CCDC7: variants seen among roughly 807,000 people sequenced by gnomAD.
CCDC7 encodes the protein coiled-coil domain containing 7.
CCDC7 carries 183 observed loss-of-function variants against 196.9 expected under a neutral mutation model. The ratio of observed to expected loss-of-function variants is 0.93; its 90% confidence interval spans 0.82 to 1.05. The LOEUF (loss-of-function observed/expected upper bound fraction) is 1.05, where lower values mean the gene tolerates loss of function less well. CCDC7 is among the 50% of genes least tolerant of loss of function. The probability of loss-of-function intolerance (pLI) is 0.00; values close to 1 mark genes in which losing one functional copy is unlikely to be tolerated. For synonymous variants in CCDC7, 525 were observed against 484.6 expected (o/e 1.08, Z -1.10); for missense variants, 1,540 against 1,482.2 (o/e 1.04, Z -0.64).
chr10:32,680,384 A>G (rs1396834169), intron 21 of CCDC7, among the ~76,000 whole-genome samples: 1 of 152,120 alleles, frequency 6.6e-6, no homozygotes, highest in African/African-American at 2.4e-5. Flanking sequence ...GGCCATACCA[A>G]TGAGAGTTTA....
At chr10:32,869,816 G>A (rs61856632) in intron 41 of CCDC7, among the ~76,000 whole-genome samples, 6 of 73,750 alleles carry the variant, frequency 8.1e-5, no homozygotes, top group African/African-American at 1.5e-4. Flanking sequence ...ATAGGGAATC[G>A]TTTCCCCATT....
intron 13 of CCDC7, among the ~76,000 whole-genome samples, chr10:32,552,471 T>G (rs188053455): frequency 1.9e-4 from 29 of 152,328 alleles, no homozygotes; most frequent in African/African-American, 7.0e-4. Context: ...TTTATTTGTT[T>G]TTTGCTTTTG....
chr10:32,667,546 T>G (rs1455567263), intron 21 of CCDC7, among the ~76,000 whole-genome samples: 1 of 152,176 alleles, frequency 6.6e-6, no homozygotes, highest in Non-Finnish European at 1.5e-5. Flanking sequence ...AATTTTTGTA[T>G]AAGGTGTAAG....
intron 29 of CCDC7, among the ~76,000 whole-genome samples, chr10:32,790,839 C>A (rs981535433): frequency 6.6e-6 from 1 of 152,090 alleles, no homozygotes; most frequent in Non-Finnish European, 1.5e-5. Flanking sequence ...AAACCTGATC[C>A]CACATACTGG....
At chr10:32,654,593 G>T (rs572901068) in intron 20 of CCDC7, among the ~76,000 whole-genome samples, 1 of 152,238 alleles carries the variant, frequency 6.6e-6, no homozygotes, top group South Asian at 2.1e-4. Context: ...CTAATGACTA[G>T]ACAGAGATTT....
chr10:32,794,795 A>C (rs1013616933), intron 29 of CCDC7, among the ~76,000 whole-genome samples: 2 of 152,034 alleles, frequency 1.3e-5, no homozygotes, highest in Non-Finnish European at 2.9e-5. Flanking sequence ...TTGCTGATTT[A>C]TGTTCCTTAT....
At chr10:32,544,021 C>T (rs942398693) in intron 12 of CCDC7, among the ~76,000 whole-genome samples, 1 of 151,976 alleles carries the variant, frequency 6.6e-6, no homozygotes. Flanking sequence ...TATGCTTTGA[C>T]TATCAGTCTT....
At chr10:32,565,967 C>G (rs2056720129) in intron 14 of CCDC7, among the ~76,000 whole-genome samples, 1 of 152,066 alleles carries the variant, frequency 6.6e-6, no homozygotes, top group Non-Finnish European at 1.5e-5. Flanking sequence ...ATACTGCAGG[C>G]ATTCCAATTA....
At chr10:32,470,949 A>G in intron 5 of CCDC7, 115 bp from the exon 7 acceptor site, 2 of 1,014,656 alleles carry the variant, frequency 2.0e-6, no homozygotes, top group East Asian at 5.7e-5. Flanking sequence ...CTATAGCTAT[A>G]GATAAGAAAA....
chr10:32,675,473 A>G (rs368518544), intron 21 of CCDC7, among the ~76,000 whole-genome samples: 1 of 152,154 alleles, frequency 6.6e-6, no homozygotes, highest in South Asian at 2.1e-4. Context: ...GTATCCATTA[A>G]CCAATTTTTG....
In CCDC7 at chr10:32,728,881, A is replaced by G. The variant is rs376695764; in HGVS notation, c.2669-6A>G. On this transcript the variant is annotated splice_region_variant and splice_polypyrimidine_tract_variant and intron_variant, in intron 26 of 41. Coordinates refer to ENST00000639629, the Ensembl canonical transcript of CCDC7. ...TTTGATGGACTAAATGCATCTCTTG[A>G]TATAGCTCGTATTGTAGTACCAAAT... is the stretch of plus-strand genomic sequence containing the variant. 1.7e-4 allele frequency: 260 copies of G among 1,524,098 alleles called. 3 individuals are homozygous for G. The South Asian group carries it at 2.0e-3, about 12-fold the overall frequency. The allele number at this position is 1,524,098 out of a possible 1,614,324, so 94.4% of individuals were successfully genotyped here.
At chr10:32,760,613 G>C (rs932122775) in intron 28 of CCDC7, among the ~76,000 whole-genome samples, 1 of 152,080 alleles carries the variant, frequency 6.6e-6, no homozygotes, top group African/African-American at 2.4e-5. Context: ...GAGGATGAGG[G>C]AGGGATAGCA....
intron 41 of CCDC7, among the ~76,000 whole-genome samples, chr10:32,869,816 G>C (rs61856632): frequency 0.013 from 959 of 73,744 alleles, 11 homozygotes; most frequent in Non-Finnish European, 0.029. Context: ...ATAGGGAATC[G>C]TTTCCCCATT....
chr10:32,801,750 G>T (rs943002081), intron 29 of CCDC7, among the ~76,000 whole-genome samples: 4 of 152,130 alleles, frequency 2.6e-5, no homozygotes, highest in African/African-American at 9.7e-5. Context: ...CCCAAGGGAG[G>T]CCATCACTGT....
chr10:32,772,134 G>T (rs1480756482), intron 28 of CCDC7, among the ~76,000 whole-genome samples: 1 of 152,228 alleles, frequency 6.6e-6, no homozygotes, highest in Non-Finnish European at 1.5e-5. Flanking sequence ...GTCTCCCTGT[G>T]CAGGGCAAGC....
In CCDC7 at chr10:32,555,793, A is replaced by G. The variant is rs1336381920; in HGVS notation, c.1135-9765A>G. Among the ~76,000 whole-genome samples the G allele has an allele frequency of 2.0e-5, 3 of 152,240 alleles. No individual in the cohort carries two copies. The South Asian group carries it at 6.2e-4, about 31-fold the overall frequency. On this transcript the variant is annotated intron_variant, in intron 13 of 41. Coordinates refer to ENST00000639629, the Ensembl canonical transcript of CCDC7. ...AAATTATTCCAAAACGTAGTAACTT[A>G]AAACAGTAGAATCATTATTTCTCAT...
At chr10:32,504,114 G>GAT (rs2044483185) in intron 9 of CCDC7, among the ~76,000 whole-genome samples, 1 of 114,128 alleles carries the variant, frequency 8.8e-6, no homozygotes, top group Non-Finnish European at 1.8e-5. Flanking sequence ...ATTTATTGCT[G>GAT]GTTTTTTTTT....
intron 24 of CCDC7, among the ~76,000 whole-genome samples, chr10:32,710,666 T>G (rs1322980493): frequency 6.6e-6 from 1 of 152,194 alleles, no homozygotes; most frequent in Non-Finnish European, 1.5e-5. Context: ...ACAGTCAGAC[T>G]CTTGCAAATG....
intron 32 of CCDC7, among the ~76,000 whole-genome samples, chr10:32,830,120 G>GTA (rs2091944455): frequency 9.3e-5 from 1 of 10,742 alleles, no homozygotes; most frequent in Non-Finnish European, 6.1e-4. Context: ...ATATATATAA[G>GTA]GATATATATA....
Sources: gnomAD v4.1 joint callset for allele counts (sites outside exome capture counted in the v4.1 genomes callset) on GRCh38, gnomAD v4.1.1 for gene constraint, MANE v1.5 for transcripts, NCBI Gene and HGNC (gene_info 2026-07-23, HGNC 2026-07-21) for gene names.